Variants in RALGPS1 observed in about 807,000 individuals in gnomAD.
RALGPS1 encodes Ral GEF with PH domain and SH3 binding motif 1, also known as ras-specific guanine nucleotide-releasing factor RalGPS1.
Under a neutral mutation model 78.8 loss-of-function variants are expected in RALGPS1, and 19 were observed. The ratio of observed to expected loss-of-function variants is 0.24; its 90% CI spans 0.17 to 0.35. The LOEUF (loss-of-function observed/expected upper bound fraction) is 0.35, where lower values mean the gene tolerates loss of function less well. Among genes scored for constraint, RALGPS1 ranks in the 10% least tolerant of loss-of-function variants. The pLI is 1.00. For synonymous variants in RALGPS1, 228 were observed against 256.3 expected (o/e 0.89, Z 1.06); for missense variants, 454 against 688.3 (o/e 0.66, Z 3.81).
chr9:127,023,063 T>C (rs1409963830), intron 4 of RALGPS1, among the ~76,000 whole-genome samples: 1 of 152,064 alleles, frequency 6.6e-6, no homozygotes, highest in Non-Finnish European at 1.5e-5. Context: ...CCTTCCTCCT[T>C]TATGGTTTCA....
intron 7 of RALGPS1, among the ~76,000 whole-genome samples, chr9:127,066,532 T>C (rs1477883353): frequency 6.6e-6 from 1 of 152,132 alleles, no homozygotes; most frequent in Non-Finnish European, 1.5e-5. Flanking sequence ...TCCTAGCTAC[T>C]TGGGAGGCTG....
chr9:126,944,322 C>T (rs1355720198), intron 1 of RALGPS1, among the ~76,000 whole-genome samples: 1 of 152,220 alleles, frequency 6.6e-6, no homozygotes, highest in Non-Finnish European at 1.5e-5. Flanking sequence ...CCTGACCTGG[C>T]TTGGTACCAG....
intron 8 of RALGPS1, among the ~76,000 whole-genome samples, chr9:127,132,646 G>A (rs1251129135): frequency 6.6e-6 from 1 of 152,258 alleles, no homozygotes; most frequent in Non-Finnish European, 1.5e-5. Context: ...ACTAGAGTCA[G>A]AGGGACCTGG....
intron 5 of RALGPS1, among the ~76,000 whole-genome samples, chr9:127,047,731 G>A (rs2047937760): frequency 1.3e-5 from 2 of 151,304 alleles, no homozygotes; most frequent in Admixed American, 6.6e-5. Flanking sequence ...AAGACTAGAA[G>A]GATGCATACC....
chr9:127,154,895 A>G (rs943161797), intron 8 of RALGPS1, among the ~76,000 whole-genome samples: 1 of 152,164 alleles, frequency 6.6e-6, no homozygotes, highest in Non-Finnish European at 1.5e-5. Context: ...TCTCTGAGCC[A>G]GGGTTGGAAA....
chr9:127,009,214 A>G (rs2044132407), intron 4 of RALGPS1, among the ~76,000 whole-genome samples: 1 of 152,342 alleles, frequency 6.6e-6, no homozygotes, highest in East Asian at 1.9e-4. Context: ...CCTGTTTCTA[A>G]CATACCCATT....
intron 8 of RALGPS1, among the ~76,000 whole-genome samples, chr9:127,159,885 G>A (rs2058922066): frequency 6.6e-6 from 1 of 152,166 alleles, no homozygotes; most frequent in Non-Finnish European, 1.5e-5. Context: ...GGCAGAGCAG[G>A]AGAACATGGA....
rs1339394581 is a variant in RALGPS1, at chr9:126,962,286, G to T, written c.-4G>T. On this transcript the variant is annotated 5_prime_UTR_variant, in exon 2 of 19. Transcript: ENST00000259351. ...GCCCTGAAGCTCCCTGTGGCCTGGA[G>T]ACTATGTACAAGAGGAATGGTCTGA... The T allele has an allele frequency of 6.2e-6, 10 of 1,614,108 alleles. No homozygotes were observed. Among genetic ancestry groups the T allele is most frequent in the Non-Finnish European group, 7.6e-6 (9 of 1,179,994 alleles).
At chr9:127,151,430 A>G (rs2139078205) in intron 8 of RALGPS1, among the ~76,000 whole-genome samples, 1 of 152,252 alleles carries the variant, frequency 6.6e-6, no homozygotes, top group South Asian at 2.1e-4. Flanking sequence ...GTCCACTAAT[A>G]TTTCATGGGT....
intron 4 of RALGPS1, among the ~76,000 whole-genome samples, chr9:126,999,311 G>T (rs146449034): frequency 6.6e-6 from 1 of 152,122 alleles, no homozygotes; most frequent in East Asian, 1.9e-4. Flanking sequence ...TAAAATTGAA[G>T]ACCCTACACT....
At chr9:127,010,267 T>C (rs959189979) in intron 4 of RALGPS1, among the ~76,000 whole-genome samples, 10 of 152,104 alleles carry the variant, frequency 6.6e-5, no homozygotes, top group Non-Finnish European at 1.3e-4. Context: ...TCCTCATCGC[T>C]TTCTCCTGCC....
Position 127,102,717 on chromosome 9 carries a change from G to A in RALGPS1, c.610+33361G>A, listed in dbSNP as rs146164745. On this transcript the variant is annotated intron_variant, in intron 8 of 18. Transcript: ENST00000259351. ...GAGGAAGAGAAAGCAAAGCAATAAG[G>A]GAGCTGGCCCTCCTGGAACCATCAT... 3.9e-5 allele frequency among the ~76,000 whole-genome samples: 6 copies of A among 152,272 alleles called. No homozygotes were observed. In the East Asian group the frequency reaches 9.6e-4, roughly 24 times the overall value.
chr9:126,938,779 G>A (rs1028000445), intron 1 of RALGPS1, among the ~76,000 whole-genome samples: 2 of 152,254 alleles, frequency 1.3e-5, no homozygotes, highest in African/African-American at 4.8e-5. Context: ...GTGTTGTGGA[G>A]AAGTCTAGAT....
At chr9:127,178,889 G>A (rs997462224) in intron 11 of RALGPS1, among the ~76,000 whole-genome samples, 8 of 152,356 alleles carry the variant, frequency 5.3e-5, no homozygotes, top group African/African-American at 1.7e-4. Flanking sequence ...CTGCAGTGAT[G>A]GCACAGTTAG....
intron 11 of RALGPS1, chr9:127,184,013 T>C (rs1244307269): frequency 1.3e-6 from 2 of 1,549,632 alleles, no homozygotes; most frequent in Non-Finnish European, 1.7e-6. Context: ...GCGCTCCCCG[T>C]GGCCTAGGAA....
At chr9:126,980,505 A>G (rs1192946586) in intron 4 of RALGPS1, among the ~76,000 whole-genome samples, 1 of 152,242 alleles carries the variant, frequency 6.6e-6, no homozygotes, top group Non-Finnish European at 1.5e-5. Flanking sequence ...TGGGCACCCT[A>G]GTGGTTCCCA....
At chr9:127,203,643 C>T (rs2061768492) in intron 14 of RALGPS1, among the ~76,000 whole-genome samples, 1 of 152,146 alleles carries the variant, frequency 6.6e-6, no homozygotes, top group Non-Finnish European at 1.5e-5. Flanking sequence ...CCTCTTCCTG[C>T]TCTGGGGGAG....
At chr9:127,039,392 T>G (rs1168991038) in intron 5 of RALGPS1, among the ~76,000 whole-genome samples, 1 of 152,142 alleles carries the variant, frequency 6.6e-6, no homozygotes, top group African/African-American at 2.4e-5. Context: ...TTTGCAGGGA[T>G]GTAGCAGGTT....
intron 8 of RALGPS1, among the ~76,000 whole-genome samples, chr9:127,085,133 GCTCAGAAAACATCACTGT>G (rs2051576407): frequency 6.6e-6 from 1 of 152,152 alleles, no homozygotes; most frequent in Non-Finnish European, 1.5e-5. Context: ...AGTGTCACTT[GCTCAGAAAACATCACTGT>G]CTTCTGGCCC....
Sources: gnomAD v4.1 joint callset for allele counts (sites outside exome capture counted in the v4.1 genomes callset) on GRCh38, gnomAD v4.1.1 for gene constraint, MANE v1.5 for transcripts, NCBI Gene and HGNC (gene_info 2026-07-23, HGNC 2026-07-21) for gene names.